Variants in PLPPR3 observed in about 807,000 individuals in gnomAD.
PLPPR3 encodes phospholipid phosphatase related 3.
PLPPR3 carries 14 observed loss-of-function variants against 27.3 expected under a neutral mutation model. The observed-to-expected ratio is 0.51, with a 90% CI of 0.34 to 0.80. PLPPR3 has a LOEUF of 0.80. Among genes scored for constraint, PLPPR3 ranks in the 30% least tolerant of loss-of-function variants. The pLI is 0.01. For missense variants in PLPPR3, 1,287 were observed against 1,056.9 expected (o/e 1.22, Z -3.02); for synonymous variants, 671 against 508.0 (o/e 1.32, Z -4.32).
chr19:822,723 G>C (rs1599265952), upstream of PLPPR3, among the ~76,000 whole-genome samples: 2 of 152,206 alleles, frequency 1.3e-5, no homozygotes, highest in South Asian at 2.1e-4. Context: ...AGCCCTGCGG[G>C]GTAGGGGCTG....
In PLPPR3 at chr19:813,927, T is replaced by C; in HGVS notation, c.832-32A>G. 9 of 1,414,030 alleles carry C rather than the reference T, an allele frequency of 6.4e-6. No individual in the cohort carries two copies. Among genetic ancestry groups the C allele is most frequent in the Non-Finnish European group, 8.2e-6 (9 of 1,091,548 alleles). The allele number at this position is 1,414,030 out of a possible 1,614,324, so 87.6% of individuals were successfully genotyped here. A position where few individuals can be genotyped will look rare whatever the true frequency, so the allele number is the denominator to read the frequency against. On this transcript the variant is annotated intron_variant, in intron 7 of 7. Transcript: ENST00000520876. The surrounding 1 kb of genome is among the most constrained non-coding windows in gnomAD (Gnocchi z 4.1). Reference sequence around the variant, plus strand: ...GGGAGAGGGGTCTGGGGGTGAGGCCTGGGGCTCAGAGGGCTCCTCCCCTGT... The same window carrying C: ...GGGAGAGGGGTCTGGGGGTGAGGCCCGGGGCTCAGAGGGCTCCTCCCCTGT...
chr19:818,252 G>A (rs1281241119), intron 2 of PLPPR3, among the ~76,000 whole-genome samples: 2 of 152,004 alleles, frequency 1.3e-5, no homozygotes, highest in African/African-American at 2.4e-5. Flanking sequence ...GCGTGGTGGT[G>A]CGTGCCTGTA....
intron 2 of PLPPR3, among the ~76,000 whole-genome samples, chr19:818,806 G>A (rs1357784765): frequency 6.6e-6 from 1 of 151,864 alleles, no homozygotes; most frequent in East Asian, 2.0e-4. Flanking sequence ...GTGCTGGGAT[G>A]ACAGGCGTGA....
Position 812,872 on chromosome 19 carries a change from A to G in PLPPR3, c.1855T>C (p.Tyr619His). The change falls in exon 8 of 8, where the codon TAC becomes CAC. Residue 619 changes from tyrosine (Y) to histidine (H), a missense_variant. Physicochemically the swap from Tyr to His is moderately conservative, Grantham distance 83. Transcript: ENST00000520876. ...GGAKAEADGG[Y>H]ELGDLARGFR... is the part of the protein sequence containing the mutation. ...CCGCGCGCCAGGTCCCCCAGCTCGT[A>G]GCCGCCGTCGGCCTCCGCCTTGGCC... 1 of 1,187,460 alleles carries G rather than the reference A, an allele frequency of 8.4e-7. No individual in the cohort carries two copies. The highest frequency in any genetic ancestry group is 1.0e-6 in the Non-Finnish European group (1 of 955,932). The allele number at this position is 1,187,460 out of a possible 1,614,324, so 73.6% of individuals were successfully genotyped here.
In PLPPR3 at chr19:812,909, C is replaced by T. The variant is rs771351335; in HGVS notation, c.1818G>A (p.Ala606=). The change falls in exon 8 of 8, where the codon GCG becomes GCA. Residue 606 remains alanine, a synonymous_variant. Transcript: ENST00000520876. ...SAGGAPWEWK[A]AGGGAKAEAD... Reference sequence around the variant, plus strand: ...CCTCCGCCTTGGCCCCGCCGCCCGCCGCCTTCCACTCCCAGGGCGCGCCGC... The same window carrying T: ...CCTCCGCCTTGGCCCCGCCGCCCGCTGCCTTCCACTCCCAGGGCGCGCCGC... The T allele has an allele frequency of 3.8e-6, 5 of 1,301,208 alleles. No individual in the cohort carries two copies. The highest frequency in any genetic ancestry group is 4.9e-6 in the Non-Finnish European group (5 of 1,020,534). 80.6% of individuals were successfully genotyped at this position (1,301,208 alleles called of 1,614,324 possible). A position where few individuals can be genotyped will look rare whatever the true frequency, so the allele number is the denominator to read the frequency against.
At chr19:819,707 A>G (rs1400923481) in intron 2 of PLPPR3, among the ~76,000 whole-genome samples, 1 of 152,154 alleles carries the variant, frequency 6.6e-6, no homozygotes, top group Non-Finnish European at 1.5e-5. Flanking sequence ...GAGGTAACGG[A>G]TTACAGGCCA....
intron 2 of PLPPR3, among the ~76,000 whole-genome samples, chr19:819,409 T>C (rs1048110349): frequency 6.0e-5 from 9 of 149,888 alleles, no homozygotes; most frequent in Non-Finnish European, 1.2e-4. Context: ...GCCTCCCGAG[T>C]AGATGGGATT....
chr19:813,471 C>T lies in PLPPR3; in HGVS notation c.1256G>A (p.Arg419His), dbSNP rs1457142036. 6.5e-7 allele frequency: 1 copy of T among 1,538,736 alleles called. No individual in the cohort carries two copies. The highest frequency in any genetic ancestry group is 8.7e-7 in the Non-Finnish European group (1 of 1,146,816). Reference protein sequence around the residue: ...SEWKQKSLEGRGLGLPDDASP... With the variant: ...SEWKQKSLEGHGLGLPDDASP... ...GGCGTCGTCGGGCAGCCCCAGGCCGCGGCCCTCCAGGCTCTTCTGCTTCCA... is the reference window on the plus strand; with the variant it reads ...GGCGTCGTCGGGCAGCCCCAGGCCGTGGCCCTCCAGGCTCTTCTGCTTCCA... The change falls in exon 8 of 8, where the codon CGC becomes CAC. Residue 419 changes from arginine to histidine, a missense_variant. Physicochemically the swap from Arg to His is conservative, Grantham distance 29. Coordinates refer to ENST00000520876, the MANE Select transcript of PLPPR3 (RefSeq NM_001270366.2). This position sits in a 1 kb window ranked among gnomAD's most constrained non-coding sequence, Gnocchi z 4.1.
chr19:813,858 G>T lies in PLPPR3; in HGVS notation c.869C>A (p.Ala290Glu). 6.9e-7 allele frequency: 1 copy of T among 1,456,912 alleles called. No homozygotes were observed. The highest frequency in any genetic ancestry group is 1.4e-5 in the South Asian group (1 of 71,230). 90.2% of individuals were successfully genotyped at this position (1,456,912 alleles called of 1,614,324 possible). Residue 290 changes from alanine (A) to glutamate (E), a missense_variant, in exon 8 of 8, where the codon GCA (alanine) becomes GAA (glutamate). Physicochemically the swap from Ala to Glu is moderately radical, Grantham distance 107 (BLOSUM62 -1). Transcript: ENST00000520876. The surrounding 1 kb of genome is among the most constrained non-coding windows in gnomAD (Gnocchi z 4.1). ...GGGGGCCGGGGCCGCGGGCTTCTCT[G>T]CAGGTGGGGCCTGGAAGTTGCCCAC... ...HAVGNFQAPP[A>E]EKPAAPAPAK...
At chr19:815,937 C>A (rs902887167) in intron 2 of PLPPR3, 86 bp from the exon 3 acceptor site, 10 of 1,378,852 alleles carry the variant, frequency 7.3e-6, no homozygotes, top group Non-Finnish European at 8.9e-6. Flanking sequence ...GGCCATCCAC[C>A]GTCTCACTCA....
intron 2 of PLPPR3, among the ~76,000 whole-genome samples, chr19:818,823 A>G (rs959639326): frequency 2.0e-5 from 3 of 150,642 alleles, no homozygotes; most frequent in Non-Finnish European, 4.4e-5. Flanking sequence ...GTGAGCCACC[A>G]CGCACAGCCT....
upstream of PLPPR3, chr19:822,111 TCCCCGCCTCCCTGG>T (rs981376555): frequency 2.0e-5 from 3 of 149,880 alleles, no homozygotes; most frequent in Non-Finnish European, 4.4e-5. Flanking sequence ...CCGCGCACCG[TCCCCGCCTCCCTGG>T]CGCCGCCTCC....
chr19:819,279 CTT>C (rs1252377454), intron 2 of PLPPR3, among the ~76,000 whole-genome samples: 5 of 60,950 alleles, frequency 8.2e-5, no homozygotes, highest in East Asian at 3.9e-4. Flanking sequence ...ACCCAGCCTA[CTT>C]TTTTTTTTTT....
At chr19:817,812 G>A (rs1004010729) in intron 2 of PLPPR3, among the ~76,000 whole-genome samples, 6 of 152,164 alleles carry the variant, frequency 3.9e-5, no homozygotes, top group African/African-American at 1.2e-4. Context: ...GGGTAGCAGC[G>A]TTTGTTTGCA....
At position 815,901 on chromosome 19, in the gene PLPPR3, G is replaced by A. The variant is rs142836756; in HGVS notation, c.76-50C>T. The A allele has an allele frequency of 7.7e-5, 121 of 1,577,026 alleles. 1 individual carries two copies. The highest frequency in any genetic ancestry group is 7.4e-4 in the African/African-American group (55 of 74,440). On this transcript the variant is annotated intron_variant, in intron 2 of 7. Coordinates refer to ENST00000520876, the MANE Select transcript of PLPPR3 (RefSeq NM_001270366.2). ...TCACCCTGCTCTCCCTCGCGGAGGCGTCTGTCCAGCCCTCCATGAATTCAG... is the reference window on the plus strand; with the variant it reads ...TCACCCTGCTCTCCCTCGCGGAGGCATCTGTCCAGCCCTCCATGAATTCAG...
rs530245812 is a variant in PLPPR3 at position 813,547 on chromosome 19, T to C, written c.1180A>G (p.Thr394Ala). 1.0e-5 allele frequency: 16 copies of C among 1,562,058 alleles called. No individual in the cohort carries two copies. In the African/African-American group the frequency reaches 1.8e-4, roughly 17 times the overall value. ...SLDDPARRHM[T>A]IHVPLDASRS... Reference sequence around the variant, plus strand: ...GAGGCGTCCAGCGGCACGTGGATGGTCATGTGGCGGCGCGCGGGGTCGTCC... The same window carrying C: ...GAGGCGTCCAGCGGCACGTGGATGGCCATGTGGCGGCGCGCGGGGTCGTCC... Residue 394 changes from threonine (T) to alanine (A), a missense_variant, in exon 8 of 8, where the codon ACC becomes GCC. By Grantham distance (58) the Thr-to-Ala change is moderately conservative. Coordinates refer to ENST00000520876, the MANE Select transcript of PLPPR3 (RefSeq NM_001270366.2). This position sits in a 1 kb window ranked among gnomAD's most constrained non-coding sequence, Gnocchi z 4.1.
intron 2 of PLPPR3, among the ~76,000 whole-genome samples, chr19:819,979 C>A (rs1599263516): frequency 6.6e-6 from 1 of 151,574 alleles, no homozygotes. Flanking sequence ...TAACTGAGAC[C>A]TCAGCTGCAC....
At chr19:821,295 G>A (rs1253578466) in intron 2 of PLPPR3, among the ~76,000 whole-genome samples, 190 bp downstream of exon 2, 1 of 150,694 alleles carries the variant, frequency 6.6e-6, no homozygotes, top group East Asian at 2.0e-4. Context: ...CGGTTCCTCT[G>A]GAGCTCCTAC....
intron 2 of PLPPR3, among the ~76,000 whole-genome samples, chr19:816,884 C>T (rs1346450331): frequency 6.6e-6 from 1 of 151,632 alleles, no homozygotes. Context: ...ATGCAGCCAT[C>T]CATCTATCCA....
Sources: allele counts gnomAD v4.1 joint callset (sites outside exome capture counted in the v4.1 genomes callset), GRCh38; gene constraint gnomAD v4.1.1; non-coding constraint Gnocchi (gnomAD v3.1); transcripts MANE v1.5; gene names NCBI Gene and HGNC (gene_info 2026-07-23, HGNC 2026-07-21).